The following TTC23L variants were observed in gnomAD, a reference collection of about 807,000 sequenced individuals.
The protein encoded by TTC23L is tetratricopeptide repeat protein 23-like.
Under a neutral mutation model 48.1 loss-of-function variants are expected in TTC23L, and 42 were observed. That is an observed-to-expected ratio of 0.87 (90% CI 0.68 to 1.13). The LOEUF is 1.13. TTC23L is among the 50% of genes most tolerant of loss of function. The probability of loss-of-function intolerance (pLI) is 0.00; values close to 1 mark genes in which losing one functional copy is unlikely to be tolerated. For missense variants in TTC23L, 391 were observed against 421.0 expected (o/e 0.93, Z 0.62); for synonymous variants, 159 against 157.2 (o/e 1.01, Z -0.09).
intron 9 of TTC23L, among the ~76,000 whole-genome samples, chr5:34,895,341 GATT>G (rs921304321): frequency 3.3e-5 from 5 of 152,160 alleles, no homozygotes; most frequent in Non-Finnish European, 5.9e-5. Context: ...GAGTAAATGA[GATT>G]ATTTACATAA....
At chr5:34,912,039 T>C in the TTC23L span, among the ~76,000 whole-genome samples, 1 of 152,234 alleles carries the variant, frequency 6.6e-6, no homozygotes. Context: ...ACATAATTCT[T>C]TGGAATCATT....
At chr5:34,925,542 G>T in the TTC23L span, 2 of 1,508,362 alleles carry the variant, frequency 1.3e-6, no homozygotes, top group Admixed American at 1.9e-5. Context: ...TATTTATTTT[G>T]TATTCAATGT....
At chr5:34,849,903 G>A (rs1462849789) in intron 3 of TTC23L, among the ~76,000 whole-genome samples, 2 of 152,186 alleles carry the variant, frequency 1.3e-5, no homozygotes, top group African/African-American at 4.8e-5. Flanking sequence ...GACTGTGAGG[G>A]CCAGAGAGGA....
chr5:34,916,182 G>GTT, the TTC23L span: 3 of 284,330 alleles, frequency 1.1e-5, no homozygotes, highest in African/African-American at 6.6e-5. Flanking sequence ...TAGTTGTTCA[G>GTT]TTGTTTTTTT....
intron 4 of TTC23L, among the ~76,000 whole-genome samples, chr5:34,856,825 G>A (rs1027871805): frequency 6.6e-6 from 1 of 152,236 alleles, no homozygotes; most frequent in Non-Finnish European, 1.5e-5. Context: ...ACTGCAGTTG[G>A]ATTCATTTAT....
chr5:34,877,016 A>C (rs777610123), intron 8 of TTC23L, among the ~76,000 whole-genome samples: 5 of 152,180 alleles, frequency 3.3e-5, no homozygotes, highest in African/African-American at 4.8e-5. Context: ...TTAAAAAAAA[A>C]CAAAACTGCA....
intron 7 of TTC23L, 109 bp downstream of exon 7, chr5:34,867,178 T>C: frequency 8.4e-7 from 1 of 1,197,100 alleles, no homozygotes; most frequent in Non-Finnish European, 1.2e-6. Flanking sequence ...CTGGAATTGA[T>C]TCTGTTTTAA....
the TTC23L span, among the ~76,000 whole-genome samples, chr5:34,917,372 G>A: frequency 6.6e-6 from 1 of 152,120 alleles, no homozygotes; most frequent in African/African-American, 2.4e-5. Context: ...GGTGGCTCAC[G>A]CCTGTAATCC....
At chr5:34,892,163 G>C (rs528547929) in intron 9 of TTC23L, among the ~76,000 whole-genome samples, 6 of 152,298 alleles carry the variant, frequency 3.9e-5, no homozygotes, top group African/African-American at 1.4e-4. Flanking sequence ...ATCAATCCCA[G>C]ATGTCCTGGA....
intron 9 of TTC23L, among the ~76,000 whole-genome samples, chr5:34,886,389 TA>T (rs1441593826): frequency 6.7e-6 from 1 of 148,754 alleles, no homozygotes; most frequent in African/African-American, 2.5e-5. Flanking sequence ...AAAAACGTTT[TA>T]TCCCTCAGGA....
At position 34,851,867 on chromosome 5, in the gene TTC23L, A is replaced by G. The variant is rs1481117497; in HGVS notation, c.379+1559A>G. 2.0e-5 allele frequency among the ~76,000 whole-genome samples: 3 copies of G among 152,148 alleles called. No individual in the cohort carries two copies. In the East Asian group the frequency reaches 5.8e-4, roughly 29 times the overall value. Reference sequence around the variant, plus strand: ...ACATAAATGAATATTGGTGGTCCCTATGCTCTAGGAGCACACAGGGGTCTT... The same window carrying G: ...ACATAAATGAATATTGGTGGTCCCTGTGCTCTAGGAGCACACAGGGGTCTT... On this transcript the variant is annotated intron_variant, in intron 4 of 10. Transcript: ENST00000505624.
chr5:34,873,227 C>T (rs1761594468), intron 8 of TTC23L, among the ~76,000 whole-genome samples: 1 of 152,154 alleles, frequency 6.6e-6, no homozygotes, highest in South Asian at 2.1e-4. Flanking sequence ...AGTAAGATTT[C>T]ATTAAAATGT....
intron 10 of TTC23L, among the ~76,000 whole-genome samples, chr5:34,897,189 A>T (rs1580497614): frequency 6.6e-6 from 1 of 152,048 alleles, no homozygotes; most frequent in African/African-American, 2.4e-5. Flanking sequence ...GTTCGAGACC[A>T]GCCTGGGAAA....
chr5:34,851,584 A>T (rs889996272), intron 4 of TTC23L, among the ~76,000 whole-genome samples: 1 of 152,170 alleles, frequency 6.6e-6, no homozygotes, highest in African/African-American at 2.4e-5. Context: ...AGAAGGTGCT[A>T]TGGCTAGGGA....
At chr5:34,861,398 C>G (rs147752253) in intron 4 of TTC23L, 2,410 of 165,292 alleles carry the variant, frequency 0.015, 33 homozygotes, top group Non-Finnish European at 0.022. Flanking sequence ...TGTCTCAGCT[C>G]TTTGGAAAGA....
At chr5:34,915,743 C>A in the TTC23L span, 1 of 1,599,086 alleles carries the variant, frequency 6.3e-7, no homozygotes, top group South Asian at 1.1e-5. Context: ...GGCAAGATGG[C>A]GGCAACCAAG....
At chr5:34,904,101 G>T (rs35134290), downstream of TTC23L, among the ~76,000 whole-genome samples, 8,388 of 151,326 alleles carry the variant, frequency 0.055, 300 homozygotes, top group Middle Eastern at 0.11. Flanking sequence ...GAGTAGCTGG[G>T]ACTACATGCA....
intron 4 of TTC23L, among the ~76,000 whole-genome samples, chr5:34,855,183 TTA>T (rs1760024325): frequency 2.8e-5 from 2 of 70,764 alleles, no homozygotes; most frequent in Non-Finnish European, 5.3e-5. Context: ...CAGGCTAAGG[TTA>T]GGACTGGTAA....
intron 9 of TTC23L, among the ~76,000 whole-genome samples, chr5:34,894,883 A>AATGATGATGATG (rs79554898): frequency 3.3e-5 from 5 of 150,822 alleles, no homozygotes; most frequent in African/African-American, 9.8e-5. Flanking sequence ...TGAGAGTGTT[A>AATGATGATGATG]ATGATGATGA....
Sources: allele counts gnomAD v4.1 joint callset (sites outside exome capture counted in the v4.1 genomes callset), GRCh38; gene constraint gnomAD v4.1.1; transcripts MANE v1.5; gene names NCBI Gene and HGNC (gene_info 2026-07-23, HGNC 2026-07-21).